The following CRPPA variants were observed in gnomAD, a reference collection of about 807,000 sequenced individuals.
CRPPA encodes the protein CDP-L-ribitol pyrophosphorylase A.
A neutral mutation model predicts 52.0 loss-of-function variants in CRPPA; 43 were observed. That is an observed-to-expected ratio of 0.83 (90% CI 0.65 to 1.07). CRPPA has a LOEUF of 1.07. CRPPA is among the 50% of genes least tolerant of loss of function. The pLI is 0.00. For missense variants in CRPPA, 629 were observed against 551.7 expected (o/e 1.14, Z -1.40); for synonymous variants, 250 against 203.5 (o/e 1.23, Z -1.94).
chr7:16,186,373 C>T (rs907880726), intron 9 of CRPPA, among the ~76,000 whole-genome samples: 6 of 152,114 alleles, frequency 3.9e-5, no homozygotes, highest in South Asian at 4.1e-4. Context: ...AGCTCTTTTC[C>T]GCCACGTGCG....
At chr7:16,257,439 A>C (rs551770555) in intron 8 of CRPPA, among the ~76,000 whole-genome samples, 1 of 152,234 alleles carries the variant, frequency 6.6e-6, no homozygotes, top group Non-Finnish European at 1.5e-5. Context: ...CAATTACATA[A>C]GAAGCTTGGG....
chr7:16,127,371 T>C (rs1583375498), intron 9 of CRPPA, among the ~76,000 whole-genome samples: 1 of 151,904 alleles, frequency 6.6e-6, no homozygotes, highest in Admixed American at 6.6e-5. Flanking sequence ...GAAAAATAAA[T>C]AAGAAGGTTA....
intron 9 of CRPPA, among the ~76,000 whole-genome samples, chr7:16,146,067 G>C (rs775376644): frequency 2.2e-4 from 33 of 152,198 alleles, no homozygotes; most frequent in Non-Finnish European, 3.4e-4. Flanking sequence ...TTTGAAAGCA[G>C]CAAGAGAAAA....
At chr7:16,333,880 C>A (rs1381363787) in intron 3 of CRPPA, among the ~76,000 whole-genome samples, 3 of 152,186 alleles carry the variant, frequency 2.0e-5, no homozygotes, top group Non-Finnish European at 4.4e-5. Context: ...TTTGACTATA[C>A]TACCACTGCC....
chr7:16,232,631 A>T (rs1782831367), intron 8 of CRPPA, among the ~76,000 whole-genome samples: 1 of 152,174 alleles, frequency 6.6e-6, no homozygotes, highest in South Asian at 2.1e-4. Flanking sequence ...GAGTATAAAG[A>T]AGGGTCTTCC....
At chr7:16,398,204 A>C (rs1026917800) in intron 2 of CRPPA, among the ~76,000 whole-genome samples, 3 of 152,096 alleles carry the variant, frequency 2.0e-5, no homozygotes, top group Non-Finnish European at 4.4e-5. Flanking sequence ...ACACGTGATC[A>C]AGACATGATC....
At chr7:16,256,184 G>T (rs1197076571) in intron 8 of CRPPA, among the ~76,000 whole-genome samples, 1 of 152,098 alleles carries the variant, frequency 6.6e-6, no homozygotes, top group Non-Finnish European at 1.5e-5. Context: ...CAAGAAACAT[G>T]AAAACATGCT....
chr7:16,360,112 G>A (rs553431728), intron 3 of CRPPA, among the ~76,000 whole-genome samples: 58 of 152,298 alleles, frequency 3.8e-4, no homozygotes, highest in African/African-American at 1.3e-3. Context: ...GTCTTGTTAA[G>A]ACATGATTCC....
At chr7:16,399,409 TTGTGACA>T (rs1787728851) in intron 2 of CRPPA, among the ~76,000 whole-genome samples, 2 of 113,976 alleles carry the variant, frequency 1.8e-5, no homozygotes, top group South Asian at 6.3e-4. Flanking sequence ...TGTGACACCT[TTGTGACA>T]TGTGACAAGT....
chr7:16,262,950 T>A (rs1049664732), intron 6 of CRPPA, among the ~76,000 whole-genome samples: 2 of 152,192 alleles, frequency 1.3e-5, no homozygotes, highest in Non-Finnish European at 2.9e-5. Context: ...TTTTCTATTG[T>A]TTTTAAAGCA....
intron 5 of CRPPA, among the ~76,000 whole-genome samples, chr7:16,292,821 G>A (rs1398221384): frequency 6.6e-6 from 1 of 151,822 alleles, no homozygotes; most frequent in African/African-American, 2.4e-5. Context: ...TCATAAAAGA[G>A]GCCAAAACCC....
intron 9 of CRPPA, among the ~76,000 whole-genome samples, chr7:16,095,490 A>AG (rs1781918357): frequency 6.6e-6 from 1 of 152,242 alleles, no homozygotes; most frequent in Non-Finnish European, 1.5e-5. Context: ...ACCTTTATGA[A>AG]GTAAACTAAT....
chr7:16,219,002 C>T (rs547138321), intron 8 of CRPPA, among the ~76,000 whole-genome samples: 2 of 152,094 alleles, frequency 1.3e-5, no homozygotes, highest in Non-Finnish European at 2.9e-5. Context: ...TTTTTCAGCA[C>T]CACACCAAAC....
intron 9 of CRPPA, among the ~76,000 whole-genome samples, chr7:16,169,503 A>T (rs1781133485): frequency 6.6e-6 from 1 of 152,240 alleles, no homozygotes; most frequent in Admixed American, 6.5e-5. Flanking sequence ...GTCCTGTTTT[A>T]TCGTTTTACA....
At chr7:16,369,703 G>T (rs1017162794) in intron 3 of CRPPA, among the ~76,000 whole-genome samples, 1 of 152,172 alleles carries the variant, frequency 6.6e-6, no homozygotes, top group South Asian at 2.1e-4. Flanking sequence ...CAGATAGCAG[G>T]CAGTATTAGC....
At chr7:16,233,930 C>CTGAAA (rs1011388241) in intron 8 of CRPPA, among the ~76,000 whole-genome samples, 5 of 151,924 alleles carry the variant, frequency 3.3e-5, no homozygotes, top group Admixed American at 3.3e-4. Context: ...CTGCTGGGTC[C>CTGAAA]GTTTAATTGA....
intron 1 of CRPPA, among the ~76,000 whole-genome samples, chr7:16,414,350 A>AC (rs1788139785): frequency 5.0e-5 from 7 of 138,656 alleles, no homozygotes; most frequent in Non-Finnish European, 7.9e-5. Flanking sequence ...CCCCTACCCC[A>AC]ACACACACAC....
At chr7:16,331,250 C>T (rs370892100) in intron 3 of CRPPA, among the ~76,000 whole-genome samples, 3 of 152,236 alleles carry the variant, frequency 2.0e-5, no homozygotes, top group East Asian at 1.9e-4. Flanking sequence ...CCGCCTGCCT[C>T]GGCCTCCCAA....
intron 9 of CRPPA, among the ~76,000 whole-genome samples, chr7:16,104,891 C>A (rs1429832358): frequency 1.4e-5 from 2 of 147,692 alleles, no homozygotes; most frequent in African/African-American, 5.1e-5. Context: ...CAGAGTGAGA[C>A]TCCATCTCAA....
Sources: allele counts gnomAD v4.1 joint callset (sites outside exome capture counted in the v4.1 genomes callset), GRCh38; gene constraint gnomAD v4.1.1; transcripts MANE v1.5; gene names NCBI Gene and HGNC (gene_info 2026-07-23, HGNC 2026-07-21).